The following FBLN7 variants were observed in gnomAD, a reference collection of about 807,000 sequenced individuals.
FBLN7 encodes the protein fibulin 7.
In FBLN7, 31 loss-of-function variants were observed where a neutral mutation model predicts 44.0. The observed-to-expected ratio is 0.70, with a 90% CI of 0.53 to 0.95. The LOEUF is 0.95. Ranked by LOEUF, FBLN7 falls within the 40% of genes least tolerant of loss-of-function variation. The pLI is 0.00. For synonymous variants in FBLN7, 262 were observed against 253.4 expected (o/e 1.03, Z -0.32); for missense variants, 573 against 618.5 (o/e 0.93, Z 0.78).
rs947063657 is a variant in FBLN7 at position 112,188,091 on chromosome 2, T to A, written c.*585T>A. On this transcript the variant is annotated 3_prime_UTR_variant, in exon 8 of 8. Coordinates refer to ENST00000331203, the MANE Select transcript of FBLN7 (RefSeq NM_153214.3). ...GGGCCTTAAACCCCACGCAGATCCT[T>A]CTAGACCAAGGACCCATTGTTAAAA... 2 of 154,140 alleles carry A rather than the reference T, an allele frequency of 1.3e-5. No individual in the cohort carries two copies. The highest frequency in any genetic ancestry group is 2.9e-5 in the Non-Finnish European group (2 of 69,550). 9.5% of individuals were successfully genotyped at this position (154,140 alleles called of 1,614,324 possible). A position where few individuals can be genotyped will look rare whatever the true frequency, so the allele number is the denominator to read the frequency against.
chr2:112,234,740 C>T, the FBLN7 span, among the ~76,000 whole-genome samples: 1 of 151,216 alleles, frequency 6.6e-6, no homozygotes. Context: ...GCAGAGGTTG[C>T]AGTGAGCCAA....
At position 112,187,793 on chromosome 2, in the gene FBLN7, C is replaced by G; in HGVS notation, c.*287C>G. 1 of 513,684 alleles carries G rather than the reference C, an allele frequency of 1.9e-6. No individual in the cohort carries two copies. The highest frequency in any genetic ancestry group is 3.4e-6 in the Non-Finnish European group (1 of 293,776). 31.8% of individuals were successfully genotyped at this position (513,684 alleles called of 1,614,324 possible). On this transcript the variant is annotated 3_prime_UTR_variant, in exon 8 of 8. Transcript: ENST00000331203. The surrounding 1 kb of genome is among the most constrained non-coding windows in gnomAD (Gnocchi z 5.1). ...TTTCATCCAGGGGATGGGTGGCTTT[C>G]CAAAATGCTGTGCAAATGGCCTTGT... is the stretch of plus-strand genomic sequence containing the variant.
intron 3 of FBLN7, among the ~76,000 whole-genome samples, chr2:112,174,795 C>T (rs1682651429): frequency 6.6e-6 from 1 of 151,710 alleles, no homozygotes; most frequent in African/African-American, 2.4e-5. Context: ...CTGCAACCTC[C>T]GCCTCCCGGG....
intron 2 of FBLN7, 36 bp downstream of exon 2, chr2:112,159,871 G>C: frequency 6.7e-7 from 1 of 1,486,510 alleles, no homozygotes; most frequent in Non-Finnish European, 8.9e-7. Context: ...GGGCGGCAGC[G>C]CAGCACTCGA....
chr2:112,224,744 T>C, the FBLN7 span, among the ~76,000 whole-genome samples: 581 of 152,318 alleles, frequency 3.8e-3, 1 homozygote, highest in African/African-American at 0.013. Flanking sequence ...ATTCTGCTTA[T>C]ATGAAATTCT....
intron 1 of FBLN7, among the ~76,000 whole-genome samples, chr2:112,145,153 G>A (rs1415360612): frequency 6.6e-6 from 1 of 152,124 alleles, no homozygotes; most frequent in East Asian, 1.9e-4. Flanking sequence ...AGCATGCAGT[G>A]GTATCTCATT....
At chr2:112,168,493 T>C (rs1305529958) in intron 3 of FBLN7, among the ~76,000 whole-genome samples, 1 of 152,108 alleles carries the variant, frequency 6.6e-6, no homozygotes, top group African/African-American at 2.4e-5. Context: ...CCTAAGTGAG[T>C]AGACTCTGCC....
In FBLN7 at chr2:112,156,099, C is replaced by T. The variant is rs150609776; in HGVS notation, c.76-3577C>T. Among the ~76,000 whole-genome samples, 57 of 152,326 alleles carry T rather than the reference C, an allele frequency of 3.7e-4. No individual in the cohort carries two copies. The East Asian group carries it at 7.5e-3, about 20-fold the overall frequency. ...GGACGTCTCCTCCACCTTCCCTTCA[C>T]GCTTCCTGCCCCCGCTGCCCAGGTG... On this transcript the variant is annotated intron_variant, in intron 1 of 7. Coordinates refer to ENST00000331203, the MANE Select transcript of FBLN7 (RefSeq NM_153214.3).
chr2:112,201,964 T>C, the FBLN7 span, among the ~76,000 whole-genome samples: 1 of 152,188 alleles, frequency 6.6e-6, no homozygotes, highest in African/African-American at 2.4e-5. Flanking sequence ...AAGTCCAAGA[T>C]TAAAGTCTAG....
the FBLN7 span, among the ~76,000 whole-genome samples, chr2:112,238,911 G>C: frequency 3.3e-5 from 5 of 152,182 alleles, no homozygotes; most frequent in Non-Finnish European, 7.3e-5. Context: ...TGCATTGACA[G>C]TACTTTTAAA....
the FBLN7 span, among the ~76,000 whole-genome samples, chr2:112,232,951 TATAG>T: frequency 6.6e-6 from 1 of 152,210 alleles, no homozygotes; most frequent in Non-Finnish European, 1.5e-5. Context: ...CTTATTTGAA[TATAG>T]ATTCAATTAA....
downstream of FBLN7, among the ~76,000 whole-genome samples, chr2:112,192,807 C>CT (rs1683532030): frequency 2.0e-5 from 3 of 152,300 alleles, no homozygotes; most frequent in Middle Eastern, 0.01. Context: ...ATGAAAATCT[C>CT]TAAGTGTTTA....
the FBLN7 span, among the ~76,000 whole-genome samples, chr2:112,228,719 T>C: frequency 2.0e-5 from 3 of 151,920 alleles, no homozygotes; most frequent in African/African-American, 7.3e-5. Context: ...GCATGATCCA[T>C]AGAAGAGAAA....
downstream of FBLN7, among the ~76,000 whole-genome samples, chr2:112,192,227 G>C (rs1364060798): frequency 1.3e-5 from 2 of 151,974 alleles, no homozygotes; most frequent in Non-Finnish European, 2.9e-5. Context: ...TTGTATTTTT[G>C]CCTTTGTATC....
chr2:112,163,780 C>T (rs772769413), intron 2 of FBLN7, among the ~76,000 whole-genome samples: 87 of 152,302 alleles, frequency 5.7e-4, no homozygotes, highest in Admixed American at 1.1e-3. Flanking sequence ...TTTTTGTTTT[C>T]TTTCCAATGC....
At chr2:112,181,933 G>T in intron 5 of FBLN7, 57 bp downstream of exon 5, 1 of 1,505,174 alleles carries the variant, frequency 6.6e-7, no homozygotes, top group South Asian at 1.2e-5. Flanking sequence ...ATGGGGCGGG[G>T]AAGGGGCTCT....
At chr2:112,172,512 C>G (rs1573812585) in intron 3 of FBLN7, among the ~76,000 whole-genome samples, 1 of 152,124 alleles carries the variant, frequency 6.6e-6, no homozygotes, top group Middle Eastern at 3.4e-3. Context: ...TGCCTGAATG[C>G]CCCCAAAATA....
chr2:112,227,797 CA>C, the FBLN7 span, among the ~76,000 whole-genome samples: 1 of 151,246 alleles, frequency 6.6e-6, no homozygotes, highest in African/African-American at 2.4e-5. Context: ...GTGAAAATTA[CA>C]AAACTGAGAG....
At chr2:112,234,240 T>TA in the FBLN7 span, 1 of 1,577,834 alleles carries the variant, frequency 6.3e-7, no homozygotes, top group African/African-American at 1.4e-5. Flanking sequence ...TACCATCCTT[T>TA]AAAAACAAAA....
Sources: gnomAD v4.1 joint callset for allele counts (sites outside exome capture counted in the v4.1 genomes callset) on GRCh38, gnomAD v4.1.1 for gene constraint, Gnocchi (gnomAD v3.1) non-coding constraint, MANE v1.5 for transcripts, NCBI Gene and HGNC (gene_info 2026-07-23, HGNC 2026-07-21) for gene names.